The following TMC4 variants were observed in gnomAD, a reference collection of about 807,000 sequenced individuals.
TMC4 encodes the protein voltage-gated chloride channel TMC4.
Under a neutral mutation model 82.0 loss-of-function variants are expected in TMC4, and 70 were observed. The ratio of observed to expected loss-of-function variants is 0.85; its 90% CI spans 0.70 to 1.04. TMC4 has a LOEUF of 1.04. Among genes scored for constraint, TMC4 ranks in the 50% least tolerant of loss-of-function variants. TMC4 has a pLI of 0.00. For synonymous variants in TMC4, 446 were observed against 406.0 expected, an observed-to-expected ratio of 1.10 and a Z score of -1.18; for missense variants, 879 against 899.0, an observed-to-expected ratio of 0.98 and a Z score of 0.28.
chr19:54,164,691 T>A, intron 6 of TMC4, 90 bp from the exon 7 acceptor site: 2 of 1,516,098 alleles, frequency 1.3e-6, no homozygotes, highest in Non-Finnish European at 1.8e-6. Context: ...AGATCCTCCT[T>A]AACGTGAACT....
In TMC4 at chr19:54,168,887, C is replaced by CT. The variant is rs1170983259; in HGVS notation, c.443-208dup. 1.6e-3 allele frequency among the ~76,000 whole-genome samples: 36 copies of CT among 22,538 alleles called. 1 individual carries two copies. The highest frequency in any genetic ancestry group is 2.6e-3 in the South Asian group (2 of 776). The allele number at this position is 22,538 out of a possible 152,430, so 14.8% of individuals were successfully genotyped here. A position where few individuals can be genotyped will look rare whatever the true frequency, so the allele number is the denominator to read the frequency against. Reference sequence around the variant, plus strand: ...CTTTTCTTTTCTTTTCTTTTCTTTTCTTTCTTTCCTTTCTTTCTTCTTTCT... The same window carrying CT: ...CTTTTCTTTTCTTTTCTTTTCTTTTCTTTTCTTTCCTTTCTTTCTTCTTTCT... On this transcript the variant is annotated intron_variant, in intron 3 of 14. Transcript: ENST00000619895.
Position 54,162,616 on chromosome 19 carries a change from A to T in TMC4, c.1502+57T>A, listed in dbSNP as rs905315386. ...GGTGCGCGGTGAAAAGAACAGCGCGATGGGGCACGGCCTCGTCCTAGAGGG... is the reference window on the plus strand; with the variant it reads ...GGTGCGCGGTGAAAAGAACAGCGCGTTGGGGCACGGCCTCGTCCTAGAGGG... On this transcript the variant is annotated intron_variant, in intron 10 of 14. Transcript: ENST00000619895. 19 of 1,394,306 alleles carry T rather than the reference A, an allele frequency of 1.4e-5. No individual in the cohort carries two copies. In the African/African-American group the frequency reaches 2.6e-4, roughly 19 times the overall value. 86.4% of individuals were successfully genotyped at this position (1,394,306 alleles called of 1,614,324 possible). A position where few individuals can be genotyped will look rare whatever the true frequency, so the allele number is the denominator to read the frequency against.
intron 8 of TMC4, 130 bp from the exon 9 acceptor site, chr19:54,163,289 TTTC>T: frequency 1.0e-6 from 1 of 1,000,182 alleles, no homozygotes; most frequent in Non-Finnish European, 1.4e-6. Flanking sequence ...AGAATCAGGA[TTTC>T]TTTCTTTCTT....
intron 13 of TMC4, 153 bp from the exon 14 acceptor site, chr19:54,160,698 G>A: frequency 6.9e-7 from 1 of 1,441,514 alleles, no homozygotes; most frequent in Non-Finnish European, 9.3e-7. Context: ...TTCAGATCCA[G>A]GAGTCCTACG....
rs1314520283 is a variant in TMC4, at chr19:54,169,520, C to G, written c.434G>C (p.Arg145Thr). 2 of 1,612,852 alleles carry G rather than the reference C, an allele frequency of 1.2e-6. No individual in the cohort carries two copies. The highest frequency in any genetic ancestry group is 3.3e-5 in the Admixed American group (2 of 59,954). Residue 145 changes from arginine (R) to threonine (T), a missense_variant, in exon 3 of 15, where the codon AGG (arginine) becomes ACG (threonine). Physicochemically the swap from Arg to Thr is moderately conservative, Grantham distance 71. Transcript: ENST00000619895. ...CCCAAACCCCACCGCACCCCCGATC[C>G]TCTTCAGTGTCCACGCCCAGGGCTG... is the stretch of plus-strand genomic sequence containing the variant. ...SLQPWAWTLK[R>T]IGGQFGAGTE...
At chr19:54,172,935 T>C (rs1291870159) in intron 1 of TMC4, 104 bp downstream of exon 1, 1 of 960,038 alleles carries the variant, frequency 1.0e-6, no homozygotes, top group Non-Finnish European at 1.6e-6. Flanking sequence ...CTTCTCTCTT[T>C]AGCCCTCAGA....
At chr19:54,163,270 C>A in intron 8 of TMC4, 111 bp from the exon 9 acceptor site, 3 of 1,281,364 alleles carry the variant, frequency 2.3e-6, no homozygotes, top group East Asian at 2.5e-5. Flanking sequence ...GAAGCTGAGG[C>A]CCAGTGACAG....
At chr19:54,170,763 G>A (rs939198166) in intron 2 of TMC4, among the ~76,000 whole-genome samples, 2 of 151,998 alleles carry the variant, frequency 1.3e-5, no homozygotes, top group East Asian at 1.9e-4. Flanking sequence ...CTCCCAAAGC[G>A]CTGGGGCTAC....
rs1264877465 is a variant in TMC4 at position 54,163,101 on chromosome 19, T to C, written c.1336A>G (p.Ile446Val). ...GCCTCGGAGTCGCCCCCACAAGTGA[T>C]CTGATTCCAGAGAGAGAAGAGCAGG... ...VVLLFSLWNQITCGGDSEAED... is the reference protein window; with the variant it reads ...VVLLFSLWNQVTCGGDSEAED... Residue 446 changes from isoleucine to valine, a missense_variant, in exon 9 of 15, where the codon ATC becomes GTC. Transcript: ENST00000619895. 1.2e-6 allele frequency: 2 copies of C among 1,613,752 alleles called. No individual in the cohort carries two copies. Among genetic ancestry groups the C allele is most frequent in the Non-Finnish European group, 1.7e-6 (2 of 1,179,958 alleles).
chr19:54,162,389 TGG>T (rs779701144), intron 10 of TMC4, 104 bp from the exon 11 acceptor site: 37,455 of 251,542 alleles, frequency 0.15, 613 homozygotes, highest in East Asian at 0.26. Context: ...GTATTGGTGG[TGG>T]GGGGGGGGGG....
intron 5 of TMC4, 51 bp downstream of exon 5, chr19:54,168,120 T>C (rs140188030): frequency 0.98 from 1,521,261 of 1,545,528 alleles, 748,741 homozygotes; most frequent in East Asian, 1. Flanking sequence ...ACCACTTGCT[T>C]CCCCACCCCA....
At chr19:54,169,734 C>T in intron 2 of TMC4, 74 bp from the exon 3 acceptor site, 1 of 1,568,340 alleles carries the variant, frequency 6.4e-7, no homozygotes, top group Admixed American at 1.9e-5. Flanking sequence ...TAGACACAAT[C>T]CAACAGTAGA....
At position 54,162,698 on chromosome 19, in the gene TMC4, CGA is replaced by C; in HGVS notation, c.1475_1476del (p.Val492GlyfsTer8). ...TTTCTAGGAAACTGGATGAGCAGCG[CGA>C]CTGCCAAGACAGTCAGCAGATCAAA... ...LLFDLLTVLA[V>X]ALLIQFPRKL... On this transcript the variant is annotated frameshift_variant, in exon 10 of 15. Transcript: ENST00000619895. LOFTEE classifies it high-confidence loss of function. 6.2e-7 allele frequency: 1 copy of C among 1,613,872 alleles called. No homozygotes were observed. Among genetic ancestry groups the C allele is most frequent in the Non-Finnish European group, 8.5e-7 (1 of 1,179,936 alleles).
chr19:54,171,212 G>C (rs2075881179), intron 2 of TMC4, among the ~76,000 whole-genome samples: 1 of 130,532 alleles, frequency 7.7e-6, no homozygotes. Flanking sequence ...TGGTTCAAGC[G>C]ATTCTCCTGC....
intron 10 of TMC4, 62 bp from the exon 11 acceptor site, chr19:54,162,347 T>G: frequency 1.2e-6 from 1 of 825,038 alleles, no homozygotes. Flanking sequence ...TTTCCACGCC[T>G]CCACCGCCCC....
In TMC4 at chr19:54,168,235, C is replaced by T; in HGVS notation, c.733G>A (p.Ala245Thr). Residue 245 changes from alanine (A) to threonine (T), a missense_variant, in exon 5 of 15, where the codon GCG (alanine) becomes ACG (threonine). Coordinates refer to ENST00000619895, the MANE Select transcript of TMC4 (RefSeq NM_144686.4). ...YGFYPPRPRL[A>T]VTYLCWAFAV... is the part of the protein sequence containing the mutation. ...AAGGCCCAGCACAGGTAGGTGACCG[C>T]CAGGCGTGGGCGGGGCGGGTAGAAG... 6 of 1,581,912 alleles carry T rather than the reference C, an allele frequency of 3.8e-6. No homozygotes were observed. The highest frequency in any genetic ancestry group is 5.2e-6 in the Non-Finnish European group (6 of 1,163,608).
chr19:54,172,450 T>A (rs7246882), intron 1 of TMC4, among the ~76,000 whole-genome samples: 5 of 36,274 alleles, frequency 1.4e-4, no homozygotes, highest in East Asian at 1.3e-3. Flanking sequence ...GACCCAGGAG[T>A]CCAGGCCCCC....
chr19:54,171,060 CACATATATAT>C (rs1487426671), intron 2 of TMC4, among the ~76,000 whole-genome samples: 1 of 151,190 alleles, frequency 6.6e-6, no homozygotes, highest in Non-Finnish European at 1.5e-5. Flanking sequence ...CATATATATA[CACATATATAT>C]ACATATATAT....
rs367875077 is a variant in TMC4, at chr19:54,160,416, A to G, written c.2053-42T>C. On this transcript the variant is annotated intron_variant, in intron 14 of 14. Transcript: ENST00000619895. ...TGGAGGTGAGACAATCCTCTTCCCCAACCCCTTTCCATGTTCCCCAGGGGC... is the reference window on the plus strand; with the variant it reads ...TGGAGGTGAGACAATCCTCTTCCCCGACCCCTTTCCATGTTCCCCAGGGGC... 2.7e-5 allele frequency: 43 copies of G among 1,599,300 alleles called. No individual in the cohort carries two copies. In the African/African-American group the frequency reaches 4.8e-4, roughly 18 times the overall value.
Sources: gnomAD v4.1 joint callset for allele counts (sites outside exome capture counted in the v4.1 genomes callset) on GRCh38, gnomAD v4.1.1 for gene constraint, MANE v1.5 for transcripts, NCBI Gene and HGNC (gene_info 2026-07-23, HGNC 2026-07-21) for gene names.